Variants in SNTB1 observed in about 807,000 individuals in gnomAD.
SNTB1 encodes beta-1-syntrophin.
SNTB1 carries 36 observed loss-of-function variants against 48.9 expected under a neutral mutation model. The ratio of observed to expected loss-of-function variants is 0.74; its 90% confidence interval spans 0.56 to 0.97. SNTB1 has a LOEUF of 0.97. SNTB1 is among the 50% of genes least tolerant of loss of function. The probability of loss-of-function intolerance (pLI) is 0.00; values close to 1 mark genes in which losing one functional copy is unlikely to be tolerated. For synonymous variants in SNTB1, 299 were observed against 294.6 expected (o/e 1.01, Z -0.15); for missense variants, 786 against 703.4 (o/e 1.12, Z -1.33).
chr8:120,623,027 T>C (rs116400229), intron 3 of SNTB1, among the ~76,000 whole-genome samples: 295 of 152,338 alleles, frequency 1.9e-3, no homozygotes, highest in African/African-American at 6.4e-3. Flanking sequence ...AACTCTGTGC[T>C]GCTATTCCTA....
At chr8:120,752,281 C>A (rs58202132) in intron 1 of SNTB1, among the ~76,000 whole-genome samples, 19,599 of 151,854 alleles carry the variant, frequency 0.13, 1,624 homozygotes, top group African/African-American at 0.23. Flanking sequence ...TGTATATATG[C>A]ATATATCATA....
intron 1 of SNTB1, among the ~76,000 whole-genome samples, chr8:120,808,913 G>T (rs971988150): frequency 6.6e-6 from 1 of 151,998 alleles, no homozygotes; most frequent in Non-Finnish European, 1.5e-5. Context: ...AAAAAAAAGG[G>T]TGCACTTGCT....
intron 1 of SNTB1, among the ~76,000 whole-genome samples, chr8:120,791,125 G>A (rs1395351918): frequency 6.6e-6 from 1 of 151,696 alleles, no homozygotes; most frequent in African/African-American, 2.4e-5. Flanking sequence ...TAGACCATTG[G>A]AACAGACTAC....
At chr8:120,698,908 T>C (rs560334154) in intron 1 of SNTB1, among the ~76,000 whole-genome samples, 2 of 152,332 alleles carry the variant, frequency 1.3e-5, no homozygotes, top group South Asian at 2.1e-4. Context: ...TAGGATATCA[T>C]CTAATTCAGG....
At chr8:120,635,511 C>G (rs1817060239) in intron 2 of SNTB1, 1 of 153,740 alleles carries the variant, frequency 6.5e-6, no homozygotes, top group Admixed American at 6.5e-5. Context: ...TTTATTAAAG[C>G]AAAGAACTGA....
At chr8:120,755,631 T>C (rs1381070748) in intron 1 of SNTB1, among the ~76,000 whole-genome samples, 2 of 152,106 alleles carry the variant, frequency 1.3e-5, no homozygotes, top group Non-Finnish European at 2.9e-5. Flanking sequence ...TAGAAAACAA[T>C]AATAAAAATA....
At chr8:120,559,954 A>G (rs1379945036) in intron 4 of SNTB1, among the ~76,000 whole-genome samples, 1 of 151,560 alleles carries the variant, frequency 6.6e-6, no homozygotes, top group African/African-American at 2.4e-5. Context: ...AAAAAAAACA[A>G]CTGGCCAGAT....
intron 2 of SNTB1, among the ~76,000 whole-genome samples, chr8:120,655,813 G>A (rs2129732927): frequency 6.6e-6 from 1 of 152,270 alleles, no homozygotes; most frequent in Admixed American, 6.5e-5. Context: ...CACACTGAAT[G>A]GCAATTCTGA....
chr8:120,785,927 G>A (rs758235577), intron 1 of SNTB1, among the ~76,000 whole-genome samples: 5 of 152,224 alleles, frequency 3.3e-5, no homozygotes, highest in Non-Finnish European at 7.3e-5. Context: ...TGGCTAACCA[G>A]GAGGTCTTGA....
intron 1 of SNTB1, among the ~76,000 whole-genome samples, chr8:120,739,536 C>A (rs1029228679): frequency 2.0e-5 from 3 of 152,100 alleles, no homozygotes; most frequent in Non-Finnish European, 4.4e-5. Context: ...TCCTAATAAA[C>A]TAAAATTATC....
chr8:120,678,476 A>C (rs1430981283), intron 2 of SNTB1, among the ~76,000 whole-genome samples: 1 of 152,210 alleles, frequency 6.6e-6, no homozygotes, highest in African/African-American at 2.4e-5. Flanking sequence ...CTCTTTTGCA[A>C]CTTCCAGCTT....
chr8:120,727,886 A>G (rs1818787351), intron 1 of SNTB1, among the ~76,000 whole-genome samples: 2 of 152,230 alleles, frequency 1.3e-5, no homozygotes, highest in South Asian at 4.1e-4. Context: ...AATTCACACA[A>G]GATTAGAACC....
intron 2 of SNTB1, among the ~76,000 whole-genome samples, chr8:120,641,950 T>C (rs978547260): frequency 3.3e-5 from 5 of 152,004 alleles, no homozygotes; most frequent in African/African-American, 1.2e-4. Flanking sequence ...AAAGTTGAAA[T>C]ACCAGGTCCC....
At chr8:120,742,313 A>G (rs1321619239) in intron 1 of SNTB1, among the ~76,000 whole-genome samples, 2 of 152,236 alleles carry the variant, frequency 1.3e-5, no homozygotes, top group East Asian at 3.8e-4. Flanking sequence ...TGATTCTAAA[A>G]GCAATAAAAA....
At chr8:120,720,869 C>G (rs1354551220) in intron 1 of SNTB1, among the ~76,000 whole-genome samples, 1 of 152,212 alleles carries the variant, frequency 6.6e-6, no homozygotes, top group Non-Finnish European at 1.5e-5. Context: ...TACCCTTCCA[C>G]AGGAGCCTCC....
chr8:120,569,420 A>C (rs1815806557), intron 4 of SNTB1, among the ~76,000 whole-genome samples: 1 of 152,184 alleles, frequency 6.6e-6, no homozygotes, highest in African/African-American at 2.4e-5. Flanking sequence ...GTCACTTGTG[A>C]ACCTGTAGCA....
intron 3 of SNTB1, 82 bp downstream of exon 3, chr8:120,632,362 G>T: frequency 1.6e-6 from 2 of 1,244,030 alleles, no homozygotes; most frequent in South Asian, 2.6e-5. Flanking sequence ...ATCAGCCTAT[G>T]GGATGAGATA....
At chr8:120,751,333 A>C (rs1414132317) in intron 1 of SNTB1, among the ~76,000 whole-genome samples, 1 of 152,222 alleles carries the variant, frequency 6.6e-6, no homozygotes, top group African/African-American at 2.4e-5. Context: ...GGAATTTCTG[A>C]CACGACAACT....
At chr8:120,679,101 C>CCCTT (rs759004463) in intron 2 of SNTB1, among the ~76,000 whole-genome samples, 9 of 152,164 alleles carry the variant, frequency 5.9e-5, no homozygotes, top group South Asian at 2.1e-4. Context: ...TGGGTGCTTC[C>CCCTT]CCACCACTTG....
Sources: gnomAD v4.1 joint callset for allele counts (sites outside exome capture counted in the v4.1 genomes callset) on GRCh38, gnomAD v4.1.1 for gene constraint, MANE v1.5 for transcripts, NCBI Gene and HGNC (gene_info 2026-07-23, HGNC 2026-07-21) for gene names.